Variants in UBE2H observed in about 807,000 individuals in gnomAD.
UBE2H encodes the protein ubiquitin conjugating enzyme E2 H.
Under a neutral mutation model 29.0 loss-of-function variants are expected in UBE2H, and 3 were observed. That is an observed-to-expected ratio of 0.10 (90% confidence interval 0.05 to 0.27). The LOEUF is 0.27. Among genes scored for constraint, UBE2H ranks in the 10% least tolerant of loss-of-function variants. The pLI, the probability that UBE2H is intolerant of heterozygous loss-of-function variation, is 1.00. For missense variants in UBE2H, 68 were observed against 228.2 expected (o/e 0.30, Z 4.52); for synonymous variants, 69 against 82.9 (o/e 0.83, Z 0.91).
intron 1 of UBE2H, among the ~76,000 whole-genome samples, chr7:129,922,765 G>A (rs1326707460): frequency 6.6e-6 from 1 of 152,116 alleles, no homozygotes; most frequent in Non-Finnish European, 1.5e-5. Context: ...GAGTTATTTT[G>A]TTTTAGAGAT....
chr7:129,944,590 C>CA (rs1399962828), intron 1 of UBE2H, among the ~76,000 whole-genome samples: 5 of 151,678 alleles, frequency 3.3e-5, no homozygotes, highest in South Asian at 4.2e-4. Flanking sequence ...CTCATCTCTA[C>CA]AAAAAAAATA....
chr7:129,851,999 C>A (rs1031916638), intron 5 of UBE2H, among the ~76,000 whole-genome samples: 10 of 152,188 alleles, frequency 6.6e-5, no homozygotes, highest in South Asian at 4.1e-4. Context: ...TACTTGGCCT[C>A]TATCTACAAA....
chr7:129,878,069 G>A (rs192989579), intron 3 of UBE2H, among the ~76,000 whole-genome samples: 1 of 152,262 alleles, frequency 6.6e-6, no homozygotes, highest in East Asian at 1.9e-4. Flanking sequence ...AGTTTTAAAT[G>A]GCTGAGTAGA....
chr7:129,857,964 A>G (rs1410238282), intron 4 of UBE2H, among the ~76,000 whole-genome samples: 2 of 152,234 alleles, frequency 1.3e-5, no homozygotes, highest in Non-Finnish European at 2.9e-5. Context: ...GGAACAATCT[A>G]TAAAATAACT....
At chr7:129,837,685 T>A (rs1210497734) in intron 6 of UBE2H, among the ~76,000 whole-genome samples, 1 of 152,046 alleles carries the variant, frequency 6.6e-6, no homozygotes, top group East Asian at 1.9e-4. Context: ...GAAGGGTGTC[T>A]CTTATTTATT....
chr7:129,886,843 TG>T (rs919833816), intron 1 of UBE2H, among the ~76,000 whole-genome samples: 1 of 150,818 alleles, frequency 6.6e-6, no homozygotes, highest in Non-Finnish European at 1.5e-5. Context: ...AATAGTGCTT[TG>T]GGGGGGATAT....
chr7:129,885,591 C>A (rs1380452891), intron 1 of UBE2H, among the ~76,000 whole-genome samples: 1 of 152,184 alleles, frequency 6.6e-6, no homozygotes, highest in Non-Finnish European at 1.5e-5. Flanking sequence ...CCAGTAATAG[C>A]CCACATGCCA....
chr7:129,911,508 C>T (rs1584781358), intron 1 of UBE2H, among the ~76,000 whole-genome samples: 1 of 152,208 alleles, frequency 6.6e-6, no homozygotes, highest in African/African-American at 2.4e-5. Flanking sequence ...ATAGTACTGA[C>T]ATCAGTATTG....
chr7:129,911,329 T>C (rs979752410), intron 1 of UBE2H, among the ~76,000 whole-genome samples: 5 of 149,540 alleles, frequency 3.3e-5, no homozygotes, highest in African/African-American at 9.9e-5. Flanking sequence ...GATCACACCA[T>C]TGCACCACTC....
chr7:129,846,341 C>G (rs1242188854), intron 5 of UBE2H, among the ~76,000 whole-genome samples: 2 of 117,814 alleles, frequency 1.7e-5, no homozygotes, highest in Admixed American at 9.6e-5. Flanking sequence ...GATCCGGTCT[C>G]TACAAAATAA....
chr7:129,935,451 A>C (rs987100545), intron 1 of UBE2H, among the ~76,000 whole-genome samples: 3 of 151,874 alleles, frequency 2.0e-5, no homozygotes, highest in East Asian at 3.9e-4. Context: ...AATATAACTC[A>C]GGTAATTAAA....
chr7:129,903,572 G>A (rs1806759230), intron 1 of UBE2H, among the ~76,000 whole-genome samples: 1 of 152,048 alleles, frequency 6.6e-6, no homozygotes, highest in South Asian at 2.1e-4. Flanking sequence ...AGACCAGCCT[G>A]GGCAACACAG....
intron 1 of UBE2H, among the ~76,000 whole-genome samples, chr7:129,916,628 GGAAATA>G (rs956074319): frequency 6.6e-6 from 1 of 152,114 alleles, no homozygotes; most frequent in Non-Finnish European, 1.5e-5. Flanking sequence ...TCATTTCTAG[GGAAATA>G]GAAATAGACG....
At chr7:129,887,280 C>T (rs990495189) in intron 1 of UBE2H, among the ~76,000 whole-genome samples, 3 of 143,754 alleles carry the variant, frequency 2.1e-5, no homozygotes, top group Admixed American at 1.4e-4. Flanking sequence ...GGAGTGCAGT[C>T]GCACGATCTC....
intron 1 of UBE2H, among the ~76,000 whole-genome samples, chr7:129,886,767 TAA>T (rs79067201): frequency 0.014 from 984 of 72,044 alleles, 41 homozygotes; most frequent in African/African-American, 0.043. Flanking sequence ...TGTTTTTTGG[TAA>T]AAAAAAAAAA....
intron 3 of UBE2H, among the ~76,000 whole-genome samples, chr7:129,872,052 A>G (rs1012341169): frequency 9.9e-5 from 15 of 151,974 alleles, no homozygotes; most frequent in East Asian, 7.7e-4. Context: ...ACGGGGTTTC[A>G]CCATATTGGT....
At chr7:129,949,467 A>G (rs894685946) in intron 1 of UBE2H, among the ~76,000 whole-genome samples, 5 of 152,196 alleles carry the variant, frequency 3.3e-5, no homozygotes, top group African/African-American at 1.2e-4. Context: ...AGTCATGTAA[A>G]TCAGTTTCTA....
intron 1 of UBE2H, among the ~76,000 whole-genome samples, chr7:129,941,610 G>T (rs1412279719): frequency 6.6e-6 from 1 of 151,870 alleles, no homozygotes; most frequent in Non-Finnish European, 1.5e-5. Context: ...TTTGAGACAG[G>T]GTCTCACTCT....
chr7:129,902,208 C>G (rs1806729572), intron 1 of UBE2H, among the ~76,000 whole-genome samples: 1 of 152,024 alleles, frequency 6.6e-6, no homozygotes. Flanking sequence ...CTTAACAAAA[C>G]CATTACATGG....
Sources: allele counts gnomAD v4.1 joint callset (sites outside exome capture counted in the v4.1 genomes callset), GRCh38; gene constraint gnomAD v4.1.1; transcripts MANE v1.5; gene names NCBI Gene and HGNC (gene_info 2026-07-23, HGNC 2026-07-21).